FGF12: variants seen among roughly 807,000 people sequenced by gnomAD.
FGF12 encodes the protein fibroblast growth factor 12B.
Under a neutral mutation model 23.6 loss-of-function variants are expected in FGF12, and 14 were observed. That is an observed-to-expected ratio of 0.59 (90% CI 0.39 to 0.93). FGF12 has a LOEUF of 0.93. Among genes scored for constraint, FGF12 ranks in the 40% least tolerant of loss-of-function variants. The pLI, the probability that FGF12 is intolerant of heterozygous loss-of-function variation, is 0.00. For missense variants in FGF12, 175 were observed against 217.8 expected, an observed-to-expected ratio of 0.80 and a Z score of 1.24; for synonymous variants, 62 against 77.3, an observed-to-expected ratio of 0.80 and a Z score of 1.04.
intron 2 of FGF12, among the ~76,000 whole-genome samples, chr3:192,694,252 G>C (rs1718036079): frequency 6.6e-6 from 1 of 152,116 alleles, no homozygotes. Context: ...AAAAATGTTG[G>C]CAAGGGTGGT....
intron 2 of FGF12, among the ~76,000 whole-genome samples, chr3:192,447,666 G>A (rs1227482631): frequency 2.6e-5 from 4 of 152,034 alleles, no homozygotes; most frequent in Non-Finnish European, 4.4e-5. Flanking sequence ...GTAAACTTAC[G>A]TAATGACTAC....
chr3:192,438,494 C>T (rs563104703), intron 2 of FGF12, among the ~76,000 whole-genome samples: 3 of 152,308 alleles, frequency 2.0e-5, no homozygotes, highest in Non-Finnish European at 4.4e-5. Context: ...AGATTTGGCT[C>T]CTCTTATCCA....
At chr3:192,656,322 G>C (rs73195155) in intron 2 of FGF12, among the ~76,000 whole-genome samples, 6,413 of 34,532 alleles carry the variant, frequency 0.19, 162 homozygotes, top group Middle Eastern at 0.33. Flanking sequence ...CACACACACA[G>C]AGAGAGAATT....
chr3:192,299,861 C>T (rs939044281), intron 4 of FGF12, among the ~76,000 whole-genome samples: 6 of 152,106 alleles, frequency 3.9e-5, no homozygotes, highest in Admixed American at 1.3e-4. Context: ...CAAGTCTTCC[C>T]GATCCCAGTC....
At chr3:192,484,708 C>T (rs557465823) in intron 2 of FGF12, among the ~76,000 whole-genome samples, 51 of 152,256 alleles carry the variant, frequency 3.3e-4, no homozygotes, top group African/African-American at 1.2e-3. Context: ...CAGGCTGAAT[C>T]GACAGGCCCA....
At chr3:192,377,879 A>G (rs1474182998) in intron 2 of FGF12, among the ~76,000 whole-genome samples, 1 of 152,212 alleles carries the variant, frequency 6.6e-6, no homozygotes, top group Non-Finnish European at 1.5e-5. Flanking sequence ...TGTTTTCCCT[A>G]GAGAATTGAA....
chr3:192,209,670 T>A (rs554945580), intron 4 of FGF12, among the ~76,000 whole-genome samples: 286 of 152,280 alleles, frequency 1.9e-3, no homozygotes, highest in Non-Finnish European at 3.4e-3. Context: ...AGAGATAGGA[T>A]ACAGGATTTT....
At chr3:192,669,010 T>C (rs2108691725) in intron 2 of FGF12, among the ~76,000 whole-genome samples, 1 of 152,246 alleles carries the variant, frequency 6.6e-6, no homozygotes, top group African/African-American at 2.4e-5. Flanking sequence ...CAAATAAATA[T>C]GCTCTAATAT....
At chr3:192,335,598 G>A in intron 3 of FGF12, 134 bp from the exon 4 acceptor site, 1 of 628,596 alleles carries the variant, frequency 1.6e-6, no homozygotes, top group Non-Finnish European at 2.9e-6. Flanking sequence ...ATAAAGAGAG[G>A]TCTAAAAACG....
chr3:192,470,802 A>T (rs146160958), intron 2 of FGF12, among the ~76,000 whole-genome samples: 17 of 152,124 alleles, frequency 1.1e-4, no homozygotes, highest in African/African-American at 3.6e-4. Context: ...CTCCATGTTC[A>T]TTTTACGCCA....
intron 4 of FGF12, among the ~76,000 whole-genome samples, chr3:192,185,571 T>C (rs1032759505): frequency 2.6e-5 from 4 of 152,136 alleles, no homozygotes; most frequent in Non-Finnish European, 4.4e-5. Flanking sequence ...GTAAAAGTTA[T>C]AGCTAATAGG....
intron 2 of FGF12, among the ~76,000 whole-genome samples, chr3:192,436,013 C>T (rs1179774824): frequency 1.3e-5 from 2 of 152,202 alleles, no homozygotes; most frequent in African/African-American, 2.4e-5. Context: ...CTACTTCTCT[C>T]AGTTAGCCCA....
intron 2 of FGF12, among the ~76,000 whole-genome samples, chr3:192,705,998 T>G (rs926856970): frequency 3.3e-5 from 5 of 152,200 alleles, no homozygotes; most frequent in African/African-American, 1.2e-4. Context: ...AGAATGTGCT[T>G]TAGGTGCTGT....
chr3:192,238,231 A>T (rs1054617094), intron 4 of FGF12: 16 of 152,724 alleles, frequency 1.0e-4, no homozygotes, highest in African/African-American at 3.9e-4. Flanking sequence ...GTTCACTTGC[A>T]ACAACACTCT....
intron 2 of FGF12, among the ~76,000 whole-genome samples, chr3:192,439,204 C>T (rs539940974): frequency 6.6e-6 from 1 of 152,210 alleles, no homozygotes; most frequent in East Asian, 1.9e-4. Context: ...ACTACAATGG[C>T]CCCTTCAGAA....
At chr3:192,576,735 G>A (rs780871332) in intron 2 of FGF12, among the ~76,000 whole-genome samples, 92 of 152,252 alleles carry the variant, frequency 6.0e-4, no homozygotes, top group Non-Finnish European at 9.3e-4. Context: ...TAGGTGGCAG[G>A]GGAGGGCAGA....
In FGF12 at chr3:192,360,657, T is replaced by C. The variant is rs1467750009; in HGVS notation, c.14-119A>G. On this transcript the variant is annotated intron_variant, in intron 2 of 5. Coordinates refer to ENST00000445105, the MANE Select transcript of FGF12 (RefSeq NM_004113.6). This position sits in a 1 kb window ranked among gnomAD's most constrained non-coding sequence, Gnocchi z 4.3. ...TGCCAATAGCTTAAATATTGAATTATGTATTTGGGAGTTGGGTGTTTCAGT... is the reference window on the plus strand; with the variant it reads ...TGCCAATAGCTTAAATATTGAATTACGTATTTGGGAGTTGGGTGTTTCAGT... 8 of 700,350 alleles carry C rather than the reference T, an allele frequency of 1.1e-5. No homozygotes were observed. The highest frequency in any genetic ancestry group is 1.8e-5 in the African/African-American group (1 of 56,002). 43.4% of individuals were successfully genotyped at this position (700,350 alleles called of 1,614,324 possible).
Position 192,194,780 on chromosome 3 carries a change from G to A in FGF12, c.229-24124C>T, listed in dbSNP as rs781181665. On this transcript the variant is annotated intron_variant, in intron 4 of 5. Transcript: ENST00000445105. ...CTATAATAAGACTTTTTAAATGTAC[G>A]CTTTTTTAGTAAGGAATTTGATCAT... Among the ~76,000 whole-genome samples the A allele has an allele frequency of 6.8e-4, 104 of 152,086 alleles. 1 individual carries two copies. The highest frequency in any genetic ancestry group is 3.4e-3 in the Middle Eastern group (1 of 294).
chr3:192,275,384 A>G (rs143381965), intron 4 of FGF12, among the ~76,000 whole-genome samples: 274 of 152,212 alleles, frequency 1.8e-3, no homozygotes, highest in Middle Eastern at 0.017. Flanking sequence ...TGTTTTCTAT[A>G]TATGTTTTCC....
Sources: allele counts gnomAD v4.1 joint callset (sites outside exome capture counted in the v4.1 genomes callset), GRCh38; gene constraint gnomAD v4.1.1; non-coding constraint Gnocchi (gnomAD v3.1); transcripts MANE v1.5; gene names NCBI Gene and HGNC (gene_info 2026-07-23, HGNC 2026-07-21).